Variants in CRACD observed in about 807,000 individuals in gnomAD.
The protein encoded by CRACD is capping protein inhibiting regulator of actin dynamics, also known as capping protein-inhibiting regulator of actin dynamics.
In CRACD, 56 loss-of-function variants were observed where a neutral mutation model predicts 106.8. The ratio of observed to expected loss-of-function variants is 0.52; its 90% CI spans 0.42 to 0.66. The LOEUF (loss-of-function observed/expected upper bound fraction) is 0.66, where lower values mean the gene tolerates loss of function less well. Ranked by LOEUF, CRACD falls within the 30% of genes least tolerant of loss-of-function variation. The pLI, the probability that CRACD is intolerant of heterozygous loss-of-function variation, is 0.00. For missense variants in CRACD, 1,730 were observed against 1,623.2 expected (o/e 1.07, Z -1.13); for synonymous variants, 754 against 670.8 (o/e 1.12, Z -1.92).
chr4:56,316,862 A>T (rs563875582), intron 8 of CRACD, among the ~76,000 whole-genome samples, 173 bp downstream of exon 8: 2 of 152,288 alleles, frequency 1.3e-5, no homozygotes, highest in South Asian at 4.1e-4. Flanking sequence ...CAGTGAGAGG[A>T]CTGAGTGCCC....
chr4:56,204,280 G>A (rs1738021079), intron 2 of CRACD, among the ~76,000 whole-genome samples: 1 of 152,234 alleles, frequency 6.6e-6, no homozygotes, highest in Non-Finnish European at 1.5e-5. Flanking sequence ...AAGTTGGTGG[G>A]TGTCTTGGTC....
In CRACD at chr4:56,314,519, C is replaced by T. The variant is rs1207820357; in HGVS notation, c.1017C>T (p.Ala339=). 3.3e-6 allele frequency: 5 copies of T among 1,512,650 alleles called. No homozygotes were observed. The highest frequency in any genetic ancestry group is 1.4e-5 in the African/African-American group (1 of 71,256). The allele number at this position is 1,512,650 out of a possible 1,614,324, so 93.7% of individuals were successfully genotyped here. ...AEERRRLEED[A]RLEERRRQEE... ...AGAGGCGGCGGCTGGAGGAGGACGC[C>T]AGGCTGGAGGAGCGGAGGCGGCAGG... Residue 339 remains alanine (A), a synonymous_variant, in exon 8 of 11, where the codon GCC becomes GCT. Transcript: ENST00000682029. The surrounding 1 kb of genome is among the most constrained non-coding windows in gnomAD (Gnocchi z 4.4).
intron 1 of CRACD, among the ~76,000 whole-genome samples, chr4:56,070,870 T>TGTGTGTGTGTGC (rs1369802569): frequency 6.6e-6 from 1 of 151,040 alleles, no homozygotes; most frequent in Non-Finnish European, 1.5e-5. Context: ...TGTGTGTGTG[T>TGTGTGTGTGTGC]GTGTGTGTGT....
chr4:56,077,845 G>A (rs895645375), intron 1 of CRACD, among the ~76,000 whole-genome samples: 2 of 152,190 alleles, frequency 1.3e-5, no homozygotes, highest in Non-Finnish European at 2.9e-5. Context: ...CTGCAATAGG[G>A]TTATGAACAG....
At position 56,127,303 on chromosome 4, in the gene CRACD, G is replaced by T. The variant is rs373855689; in HGVS notation, c.-335-51981G>T. Among the ~76,000 whole-genome samples, 3 of 152,232 alleles carry T rather than the reference G, an allele frequency of 2.0e-5. No homozygotes were observed. In the East Asian group the frequency reaches 5.8e-4, roughly 29 times the overall value. ...ACTCTATCTCAGATATTCTGTTAAA[G>T]CAGCACAAACGGACTAAGACACCCT... On this transcript the variant is annotated intron_variant, in intron 1 of 10. Transcript: ENST00000682029.
intron 2 of CRACD, among the ~76,000 whole-genome samples, chr4:56,254,391 T>C (rs1396633534): frequency 2.4e-5 from 1 of 42,002 alleles, no homozygotes; most frequent in East Asian, 8.0e-4. Context: ...AGCAGAGTTT[T>C]GTGGGGGTTT....
At chr4:56,326,160 C>T (rs1158219223) in intron 10 of CRACD, among the ~76,000 whole-genome samples, 1 of 152,222 alleles carries the variant, frequency 6.6e-6, no homozygotes, top group Non-Finnish European at 1.5e-5. Flanking sequence ...GATCCGCCCA[C>T]CTCGGCCTCC....
chr4:56,245,191 A>G (rs892233299), intron 2 of CRACD, among the ~76,000 whole-genome samples: 2 of 152,222 alleles, frequency 1.3e-5, no homozygotes, highest in South Asian at 2.1e-4. Flanking sequence ...TTAGGAATAT[A>G]TTACATTATC....
chr4:56,079,644 C>T (rs938762511), intron 1 of CRACD, among the ~76,000 whole-genome samples: 2 of 152,022 alleles, frequency 1.3e-5, no homozygotes, highest in African/African-American at 4.8e-5. Flanking sequence ...GGGGTTTCAC[C>T]ATGTTGACCA....
intron 1 of CRACD, among the ~76,000 whole-genome samples, chr4:56,156,606 T>C (rs1735771263): frequency 1.3e-5 from 2 of 152,222 alleles, no homozygotes; most frequent in Non-Finnish European, 1.5e-5. Flanking sequence ...CCTGACTTCT[T>C]CTCTAGCCTT....
At chr4:56,243,287 A>G (rs12501430) in intron 2 of CRACD, among the ~76,000 whole-genome samples, 13,477 of 152,240 alleles carry the variant, frequency 0.089, 1,803 homozygotes, top group East Asian at 0.61. Flanking sequence ...TCAAACATAG[A>G]TCAAGATCAG....
chr4:56,066,199 T>C (rs548649358), intron 1 of CRACD, among the ~76,000 whole-genome samples: 84 of 152,344 alleles, frequency 5.5e-4, no homozygotes, highest in African/African-American at 1.9e-3. Flanking sequence ...GGGCAGATGC[T>C]GTGGCTCTCC....
intron 2 of CRACD, among the ~76,000 whole-genome samples, chr4:56,210,273 T>G (rs1738333476): frequency 6.6e-6 from 1 of 152,238 alleles, no homozygotes; most frequent in South Asian, 2.1e-4. Context: ...TGCAGGTTTG[T>G]TATATAGGTA....
intron 2 of CRACD, among the ~76,000 whole-genome samples, chr4:56,255,701 G>A (rs1026383882): frequency 6.6e-6 from 1 of 152,190 alleles, no homozygotes; most frequent in Non-Finnish European, 1.5e-5. Flanking sequence ...CTAGGGCTGT[G>A]AGGCATGTTG....
chr4:56,192,036 C>T (rs2109457877), intron 2 of CRACD, among the ~76,000 whole-genome samples: 1 of 152,228 alleles, frequency 6.6e-6, no homozygotes, highest in Admixed American at 6.5e-5. Context: ...TAAATATGAA[C>T]CTACTGTATA....
intron 2 of CRACD, among the ~76,000 whole-genome samples, chr4:56,243,536 GC>G (rs1378543010): frequency 6.6e-6 from 1 of 152,054 alleles, no homozygotes; most frequent in African/African-American, 2.4e-5. Flanking sequence ...AAAACACCTG[GC>G]TTTTTGCTCA....
chr4:56,270,609 C>T (rs1171658107), intron 2 of CRACD, among the ~76,000 whole-genome samples: 4 of 152,120 alleles, frequency 2.6e-5, no homozygotes, highest in Non-Finnish European at 4.4e-5. Context: ...AAACTTCTTA[C>T]TCCCTGTTCA....
chr4:56,161,786 T>C (rs1207874034), intron 1 of CRACD, among the ~76,000 whole-genome samples: 11 of 142,824 alleles, frequency 7.7e-5, no homozygotes, highest in Non-Finnish European at 1.4e-4. Context: ...TTTTTTGAGA[T>C]GGAGTCTCGC....
At chr4:56,069,756 A>G (rs1268652138) in intron 1 of CRACD, among the ~76,000 whole-genome samples, 1 of 152,238 alleles carries the variant, frequency 6.6e-6, no homozygotes, top group Non-Finnish European at 1.5e-5. Flanking sequence ...ATAGTCCTGG[A>G]GCAGCAAAGA....
Sources: allele counts gnomAD v4.1 joint callset (sites outside exome capture counted in the v4.1 genomes callset), GRCh38; gene constraint gnomAD v4.1.1; non-coding constraint Gnocchi (gnomAD v3.1); transcripts MANE v1.5; gene names NCBI Gene and HGNC (gene_info 2026-07-23, HGNC 2026-07-21).